The following ZNF493 variants were observed in gnomAD, a reference collection of about 807,000 sequenced individuals.
ZNF493 encodes zinc finger protein 493.
A neutral mutation model predicts 12.2 loss-of-function variants in ZNF493; 11 were observed. The ratio of observed to expected loss-of-function variants is 0.90; its 90% CI spans 0.57 to 1.50. The LOEUF (loss-of-function observed/expected upper bound fraction) is 1.50, where lower values mean the gene tolerates loss of function less well. ZNF493 is among the 40% of genes most tolerant of loss of function. The pLI, the probability that ZNF493 is intolerant of heterozygous loss-of-function variation, is 0.00. For missense variants in ZNF493, 950 were observed against 906.6 expected (o/e 1.05, Z -0.61); for synonymous variants, 286 against 302.6 (o/e 0.95, Z 0.57).
chr19:21,399,250 TC>T (rs1974222555), intron 1 of ZNF493, among the ~76,000 whole-genome samples: 1 of 152,174 alleles, frequency 6.6e-6, no homozygotes, highest in Non-Finnish European at 1.5e-5. Context: ...AAGCTCTCCC[TC>T]CCGGGTTCCC....
chr19:21,397,134 T>G lies in ZNF493; in HGVS notation c.-104T>G. On this transcript the variant is annotated 5_prime_UTR_variant, in exon 1 of 4. Transcript: ENST00000392288. ...CGGCTTCCGGGATGTGGCTGGGCCA[T>G]TGTTTCTCTCTGCTGCCGGAGCTCC... 2.2e-6 allele frequency: 3 copies of G among 1,352,350 alleles called. No homozygotes were observed. The highest frequency in any genetic ancestry group is 2.1e-6 in the Non-Finnish European group (2 of 944,488). 83.8% of individuals were successfully genotyped at this position (1,352,350 alleles called of 1,614,324 possible). A position where few individuals can be genotyped will look rare whatever the true frequency, so the allele number is the denominator to read the frequency against.
intron 3 of ZNF493, chr19:21,413,706 A>C (rs1467467845): frequency 2.6e-6 from 1 of 387,812 alleles, no homozygotes; most frequent in African/African-American, 2.1e-5. Flanking sequence ...ACACAAGCAT[A>C]ATCTCTACCC....
At position 21,425,190 on chromosome 19, in the gene ZNF493, TG is replaced by T. The variant is rs1442060426; in HGVS notation, c.*207del. The T allele has an allele frequency of 6.0e-6, 4 of 670,240 alleles. No homozygotes were observed. The highest frequency in any genetic ancestry group is 1.0e-5 in the Non-Finnish European group (4 of 382,734). The allele number at this position is 670,240 out of a possible 1,614,324, so 41.5% of individuals were successfully genotyped here. A position where few individuals can be genotyped will look rare whatever the true frequency, so the allele number is the denominator to read the frequency against. On this transcript the variant is annotated 3_prime_UTR_variant, in exon 4 of 4. Coordinates refer to ENST00000392288, the MANE Select transcript of ZNF493 (RefSeq NM_001076678.3). ...TCATATTGGAGAGAAATTCTACAGA[TG>T]TGAAGAATGTGGCAAAGGCTTTAAT... is the stretch of plus-strand genomic sequence containing the variant.
At chr19:21,399,800 C>T (rs2029883942) in intron 1 of ZNF493, among the ~76,000 whole-genome samples, 1 of 152,066 alleles carries the variant, frequency 6.6e-6, no homozygotes, top group African/African-American at 2.4e-5. Flanking sequence ...AAAAAATCTC[C>T]ATTTCATTTT....
In ZNF493 at chr19:21,402,274, G is replaced by C. The variant is rs185168269; in HGVS notation, c.31-2855G>C. ...GAGCCACCATGCCTGGCCCTGGCCA[G>C]CTATTTATTACTAATTCAATTTTGG... On this transcript the variant is annotated intron_variant, in intron 1 of 3. Transcript: ENST00000392288. 1.1e-3 allele frequency among the ~76,000 whole-genome samples: 164 copies of C among 152,262 alleles called. 1 individual carries two copies. The highest frequency in any genetic ancestry group is 3.7e-3 in the African/African-American group (153 of 41,546).
At chr19:21,403,761 T>A (rs73029767) in intron 1 of ZNF493, among the ~76,000 whole-genome samples, 125 of 122,880 alleles carry the variant, frequency 1.0e-3, no homozygotes, top group Non-Finnish European at 1.8e-3. Context: ...CCTACTTGTG[T>A]TTCTTTCCCC....
chr19:21,407,600 T>A (rs546519437), intron 3 of ZNF493: 20 of 978,312 alleles, frequency 2.0e-5, no homozygotes, highest in Non-Finnish European at 2.4e-5. Context: ...AATAAAAATT[T>A]TTTTATTTCT....
chr19:21,417,553 T>C (rs1419456280), intron 3 of ZNF493, among the ~76,000 whole-genome samples: 1 of 152,174 alleles, frequency 6.6e-6, no homozygotes, highest in Admixed American at 6.5e-5. Flanking sequence ...CATATACGGT[T>C]CTTTTGGTCC....
intron 3 of ZNF493, among the ~76,000 whole-genome samples, chr19:21,417,716 G>A (rs766318278): frequency 1.3e-5 from 2 of 152,110 alleles, no homozygotes; most frequent in African/African-American, 2.4e-5. Context: ...CCCAAAAGTT[G>A]GTCTGAGTTA....
chr19:21,400,623 GAGCCTCCCCTGCAGATGTTCC>G (rs1392544384), intron 1 of ZNF493, among the ~76,000 whole-genome samples: 1 of 152,030 alleles, frequency 6.6e-6, no homozygotes, highest in Admixed American at 6.6e-5. Context: ...TTTTTCTGGA[GAGCCTCCCCTGCAGATGTTCC>G]AGCCTGCTCA....
intron 3 of ZNF493, chr19:21,407,855 A>G (rs2030185114): frequency 1.0e-6 from 1 of 985,272 alleles, no homozygotes; most frequent in Non-Finnish European, 1.2e-6. Context: ...TGCTATGTTA[A>G]AATAGAAACA....
chr19:21,406,110 T>C (rs998583401), intron 3 of ZNF493, among the ~76,000 whole-genome samples: 4 of 151,554 alleles, frequency 2.6e-5, no homozygotes, highest in African/African-American at 9.7e-5. Flanking sequence ...TAATCTCAGC[T>C]CCTCCGGAGG....
At chr19:21,417,989 A>G (rs189962822) in intron 3 of ZNF493, among the ~76,000 whole-genome samples, 2 of 152,280 alleles carry the variant, frequency 1.3e-5, no homozygotes, top group Non-Finnish European at 1.5e-5. Context: ...TAGCTATAAT[A>G]TTTCACCATT....
In ZNF493 at chr19:21,424,527, A is replaced by C; in HGVS notation, c.1868A>C (p.His623Pro). 1 of 1,613,572 alleles carries C rather than the reference A, an allele frequency of 6.2e-7. No individual in the cohort carries two copies. The highest frequency in any genetic ancestry group is 1.7e-5 in the Admixed American group (1 of 59,908). ...SSILSIHKKIHTGEKPYKCEE... is the reference protein window; with the variant it reads ...SSILSIHKKIPTGEKPYKCEE... ...ATCCTTAGTATACATAAGAAAATTC[A>C]TACTGGAGAAAAACCCTACAAATGT... The change falls in exon 4 of 4, where the codon CAT becomes CCT. Residue 623 changes from histidine (H) to proline (P), a missense_variant. Physicochemically the swap from His to Pro is moderately conservative, Grantham distance 77. Transcript: ENST00000392288.
chr19:21,398,611 G>A, intron 1 of ZNF493: 1 of 454,114 alleles, frequency 2.2e-6, no homozygotes, highest in Non-Finnish European at 4.5e-6. Flanking sequence ...TCTCCCATAA[G>A]ATGACCTGAG....
intron 3 of ZNF493, among the ~76,000 whole-genome samples, chr19:21,410,060 G>GTGTATATATATATA (rs1491483385): frequency 1.1e-4 from 5 of 43,964 alleles, no homozygotes; most frequent in African/African-American, 2.6e-4. Context: ...TTCATTGTGT[G>GTGTATATATATATA]TATATATATA....
In ZNF493 at chr19:21,416,266, C is replaced by A. The variant is rs2562406; in HGVS notation, c.254-6647C>A. On this transcript the variant is annotated intron_variant, in intron 3 of 3. Coordinates refer to ENST00000392288, the MANE Select transcript of ZNF493 (RefSeq NM_001076678.3). ...GCACATTTTTTTTCTAGTACCATAC[C>A]AGGGACATACCCCATTTCATGCATT... Among the ~76,000 whole-genome samples the A allele has an allele frequency of 6.3e-3, 949 of 151,546 alleles. 12 individuals are homozygous for A. Among genetic ancestry groups the A allele is most frequent in the African/African-American group, 0.022 (906 of 41,256 alleles).
chr19:21,421,661 G>T (rs1035588326), intron 3 of ZNF493, among the ~76,000 whole-genome samples: 1 of 152,054 alleles, frequency 6.6e-6, no homozygotes, highest in African/African-American at 2.4e-5. Flanking sequence ...ACTGCACCTG[G>T]CCACATTGTA....
At chr19:21,407,278 T>C (rs1314905611) in intron 3 of ZNF493, among the ~76,000 whole-genome samples, 5 of 152,076 alleles carry the variant, frequency 3.3e-5, no homozygotes, top group African/African-American at 1.2e-4. Context: ...TTATTAATCT[T>C]AAAAAATTAT....
Sources: gnomAD v4.1 joint callset for allele counts (sites outside exome capture counted in the v4.1 genomes callset) on GRCh38, gnomAD v4.1.1 for gene constraint, MANE v1.5 for transcripts, NCBI Gene and HGNC (gene_info 2026-07-23, HGNC 2026-07-21) for gene names.